SMARCA4: variants seen among roughly 807,000 people sequenced by gnomAD.
The protein encoded by SMARCA4 is SWI/SNF related BAF chromatin remodeling complex subunit ATPase 4.
In SMARCA4, 31 loss-of-function variants were observed where a neutral mutation model predicts 193.9. That is an observed-to-expected ratio of 0.16 (90% confidence interval 0.12 to 0.22). The LOEUF is 0.22. Among genes scored for constraint, SMARCA4 ranks in the 10% least tolerant of loss-of-function variants. SMARCA4 has a pLI of 1.00. For synonymous variants in SMARCA4, 942 were observed against 933.1 expected (o/e 1.01, Z -0.17); for missense variants, 1,148 against 2,296.0 (o/e 0.50, Z 10.22).
rs940876013 is a variant in SMARCA4, at chr19:10,987,944, G to A, written c.1118+20G>A. 2 of 1,611,194 alleles carry A rather than the reference G, an allele frequency of 1.2e-6. No homozygotes were observed. Among genetic ancestry groups the A allele is most frequent in the Non-Finnish European group, 1.7e-6 (2 of 1,179,654 alleles). On this transcript the variant is annotated intron_variant, in intron 6 of 34. Transcript: ENST00000344626. This position sits in a 1 kb window ranked among gnomAD's most constrained non-coding sequence, Gnocchi z 5.3. ...GTACAGGTGAGGGCGGGGCCCAGTT[G>A]CCAAGGTCACTGCCCTGTGTCCCCC... is the stretch of plus-strand genomic sequence containing the variant.
chr19:11,013,245 G>T, intron 16 of SMARCA4, 133 bp downstream of exon 16: 1 of 986,402 alleles, frequency 1.0e-6, no homozygotes, highest in African/African-American at 1.6e-5. Flanking sequence ...GAGGCCAGAA[G>T]TCCAGGGTCA....
chr19:11,041,647 G>C lies in SMARCA4; in HGVS notation c.4424+87G>C, dbSNP rs2075622153. 8 of 1,192,872 alleles carry C rather than the reference G, an allele frequency of 6.7e-6. No individual in the cohort carries two copies. Among genetic ancestry groups the C allele is most frequent in the Non-Finnish European group, 9.6e-6 (8 of 830,642 alleles). The allele number at this position is 1,192,872 out of a possible 1,614,324, so 73.9% of individuals were successfully genotyped here. A position where few individuals can be genotyped will look rare whatever the true frequency, so the allele number is the denominator to read the frequency against. On this transcript the variant is annotated intron_variant, in intron 30 of 34. Coordinates refer to ENST00000344626, the MANE Select transcript of SMARCA4 (RefSeq NM_003072.5). This position sits in a 1 kb window ranked among gnomAD's most constrained non-coding sequence, Gnocchi z 5.6. ...CTGCACTCTGACTCTGCACACTCAG[G>C]CTTGGGCCGCTCACTCTTTCACTCA... is the stretch of plus-strand genomic sequence containing the variant.
At chr19:11,057,882 C>T (rs936859721) in intron 30 of SMARCA4, among the ~76,000 whole-genome samples, 10 of 151,870 alleles carry the variant, frequency 6.6e-5, no homozygotes, top group Non-Finnish European at 1.0e-4. Flanking sequence ...GCGGGCTGAT[C>T]ACCTGAGGTC....
chr19:11,054,960 C>T lies in SMARCA4; in HGVS notation c.4425-3295C>T, dbSNP rs577151915. On this transcript the variant is annotated intron_variant, in intron 30 of 34. Transcript: ENST00000344626. ...GTGGTGGCGCCTATCCAGAGGACTC[C>T]GGGTTTCATTCCAAGTGCGGGGAGG... Among the ~76,000 whole-genome samples the T allele has an allele frequency of 3.9e-5, 6 of 152,190 alleles. No homozygotes were observed. In the South Asian group the frequency reaches 6.2e-4, roughly 16 times the overall value.
chr19:11,057,585 C>T (rs112186070), intron 30 of SMARCA4, among the ~76,000 whole-genome samples: 28,871 of 151,462 alleles, frequency 0.19, 3,183 homozygotes, highest in Non-Finnish European at 0.25. Flanking sequence ...AAAAATTAGC[C>T]GGGTGTGGTG....
In SMARCA4 at chr19:10,987,196, C is replaced by G. The variant is rs2086132221; in HGVS notation, c.859+193C>G. On this transcript the variant is annotated intron_variant, in intron 5 of 34. Transcript: ENST00000344626. The surrounding 1 kb of genome is among the most constrained non-coding windows in gnomAD (Gnocchi z 5.3). ...TCCCAAAGGCTGTCGTTCATCCCTC[C>G]TCTGACAGCTTGTGGCCTTCACCCA... Among the ~76,000 whole-genome samples the G allele has an allele frequency of 6.6e-6, 1 of 152,240 alleles. No individual in the cohort carries two copies. The highest frequency in any genetic ancestry group is 1.5e-5 in the Non-Finnish European group (1 of 68,048).
chr19:11,058,302 G>A lies in SMARCA4; in HGVS notation c.4472G>A (p.Arg1491Gln), dbSNP rs1388483526. Reference protein sequence around the residue: ...LSEVFIQLPSRKELPEYYELI... With the variant: ...LSEVFIQLPSQKELPEYYELI... ...GAGGTCTTCATCCAGCTGCCCTCGC[G>A]AAAGGAGCTGCCCGAGTACTACGAG... Residue 1491 changes from arginine (R) to glutamine (Q), a missense_variant, in exon 31 of 35, where the codon CGA becomes CAA. By Grantham distance (43) the Arg-to-Gln change is conservative. Coordinates refer to ENST00000344626, the MANE Select transcript of SMARCA4 (RefSeq NM_003072.5). This position sits in a 1 kb window ranked among gnomAD's most constrained non-coding sequence, Gnocchi z 5.8. The A allele has an allele frequency of 6.2e-7, 1 of 1,613,602 alleles. No individual in the cohort carries two copies. The highest frequency in any genetic ancestry group is 1.1e-5 in the South Asian group (1 of 91,088).
At chr19:11,049,325 AAC>A in intron 30 of SMARCA4, among the ~76,000 whole-genome samples, 1 of 152,174 alleles carries the variant, frequency 6.6e-6, no homozygotes, top group Non-Finnish European at 1.5e-5. Flanking sequence ...CACATTGAGG[AAC>A]CTGCCAGAAA....
chr19:10,996,447 C>G (rs2145977655), intron 10 of SMARCA4, 47 bp from the exon 11 acceptor site: 2 of 1,613,828 alleles, frequency 1.2e-6, no homozygotes, highest in Admixed American at 3.3e-5. Flanking sequence ...CGTGTGTGGC[C>G]TCAGCCTTGT....
chr19:11,006,012 A>G (rs1448637619), intron 13 of SMARCA4, among the ~76,000 whole-genome samples: 1 of 152,196 alleles, frequency 6.6e-6, no homozygotes, highest in Non-Finnish European at 1.5e-5. Flanking sequence ...TCTTGCCTAA[A>G]ATGTCGGTGT....
intron 8 of SMARCA4, among the ~76,000 whole-genome samples, chr19:10,993,623 T>TC (rs1291257493): frequency 6.6e-6 from 1 of 151,962 alleles, no homozygotes; most frequent in African/African-American, 2.4e-5. Context: ...TGAGGGCCTT[T>TC]CCCACCCACA....
At chr19:11,005,176 C>T (rs1040638475) in intron 13 of SMARCA4, among the ~76,000 whole-genome samples, 4 of 152,174 alleles carry the variant, frequency 2.6e-5, no homozygotes, top group Admixed American at 6.6e-5. Context: ...TTAGTTGAAG[C>T]GTACTTTAGC....
intron 30 of SMARCA4, among the ~76,000 whole-genome samples, chr19:11,053,740 T>A (rs149159152): frequency 6.6e-6 from 1 of 152,098 alleles, no homozygotes; most frequent in East Asian, 1.9e-4. Flanking sequence ...TGAGACCCCA[T>A]CTCTACAAAA....
intron 8 of SMARCA4, among the ~76,000 whole-genome samples, chr19:10,992,063 T>C (rs1420149081): frequency 1.3e-5 from 2 of 152,170 alleles, no homozygotes. Flanking sequence ...TAATATCTTA[T>C]TGGTGTAGTG....
chr19:10,970,002 T>C (rs1279796364), intron 1 of SMARCA4, among the ~76,000 whole-genome samples: 2 of 152,176 alleles, frequency 1.3e-5, no homozygotes, highest in Admixed American at 6.5e-5. Flanking sequence ...AGGTATGATA[T>C]GGAATATATT....
rs373133187 is a variant in SMARCA4, at chr19:11,044,234, CTG to C, written c.4424+2677_4424+2678del. On this transcript the variant is annotated intron_variant, in intron 30 of 34. Transcript: ENST00000344626. Reference sequence around the variant, plus strand: ...TGCACTTGGATCCACGTGACATGGACTGTGGATGTAAGAACGTGAAAGGTAAA... The same window carrying C: ...TGCACTTGGATCCACGTGACATGGACTGGATGTAAGAACGTGAAAGGTAAA... Among the ~76,000 whole-genome samples the C allele has an allele frequency of 3.9e-3, 590 of 152,198 alleles. 4 individuals are homozygous for C. The highest frequency in any genetic ancestry group is 0.013 in the African/African-American group (539 of 41,520).
At position 10,994,943 on chromosome 19, in the gene SMARCA4, A is replaced by T. The variant is rs1204989613; in HGVS notation, c.1535A>T (p.Glu512Val). Residue 512 changes from glutamate to valine, a missense_variant, in exon 9 of 35, where the codon GAG becomes GTG. Glu to Val is a moderately radical substitution (Grantham distance 121, BLOSUM62 -2). Transcript: ENST00000344626. Reference protein sequence around the residue: ...KAVATYHANTEREQKKENERI... With the variant: ...KAVATYHANTVREQKKENERI... ...GTGGCCACGTACCATGCCAACACGG[A>T]GCGGGAGCAGAAGAAAGAGAACGAG... 2 of 1,614,008 alleles carry T rather than the reference A, an allele frequency of 1.2e-6. No individual in the cohort carries two copies. The highest frequency in any genetic ancestry group is 2.7e-5 in the African/African-American group (2 of 74,938).
At position 11,012,957 on chromosome 19, in the gene SMARCA4, T is replaced by C. The variant is rs2146276745; in HGVS notation, c.2283T>C (p.Gly761=). ...NGVLKQYQIK[G]LEWLVSLYNN... ...CGCATCTGTCCTTGCAGATCAAAGGTTTGGAGTGGCTGGTGTCCCTGTACA... is the reference window on the plus strand; with the variant it reads ...CGCATCTGTCCTTGCAGATCAAAGGCTTGGAGTGGCTGGTGTCCCTGTACA... The change falls in exon 16 of 35, where the codon GGT becomes GGC. Residue 761 remains glycine (G), a synonymous_variant. Coordinates refer to ENST00000344626, the MANE Select transcript of SMARCA4 (RefSeq NM_003072.5). 6.2e-7 allele frequency: 1 copy of C among 1,613,994 alleles called. No individual in the cohort carries two copies. The highest frequency in any genetic ancestry group is 8.5e-7 in the Non-Finnish European group (1 of 1,180,008).
chr19:10,995,050 A>G (rs1482420918), intron 9 of SMARCA4, 49 bp downstream of exon 9: 3 of 1,532,292 alleles, frequency 2.0e-6, no homozygotes, highest in Admixed American at 3.8e-5. Flanking sequence ...TGTAGCTGGT[A>G]CTGCGGGCTC....
Sources: gnomAD v4.1 joint callset for allele counts (sites outside exome capture counted in the v4.1 genomes callset) on GRCh38, gnomAD v4.1.1 for gene constraint, Gnocchi (gnomAD v3.1) non-coding constraint, MANE v1.5 for transcripts, NCBI Gene and HGNC (gene_info 2026-07-23, HGNC 2026-07-21) for gene names.